Variants in DGKA observed in about 807,000 individuals in gnomAD.
DGKA encodes diacylglycerol kinase alpha, also known as 80 kDa diacylglycerol kinase.
In DGKA, 35 loss-of-function variants were observed where a neutral mutation model predicts 105.0. That is an observed-to-expected ratio of 0.33 (90% CI 0.25 to 0.44). The LOEUF is 0.44. Ranked by LOEUF, DGKA falls within the 20% of genes least tolerant of loss-of-function variation. The probability of loss-of-function intolerance (pLI) is 1.00; values close to 1 mark genes in which losing one functional copy is unlikely to be tolerated. For synonymous variants in DGKA, 296 were observed against 332.0 expected (o/e 0.89, Z 1.18); for missense variants, 665 against 915.0 (o/e 0.73, Z 3.53).
intron 3 of DGKA, 130 bp downstream of exon 3, chr12:55,937,220 C>A: frequency 8.1e-7 from 1 of 1,230,028 alleles, no homozygotes; most frequent in South Asian, 1.3e-5. Flanking sequence ...TGTCCATTGT[C>A]ACTCTGACTA....
At position 55,942,110 on chromosome 12, in the gene DGKA, G is replaced by C. The variant is rs200176036; in HGVS notation, c.1336+27G>C. Reference sequence around the variant, plus strand: ...TCAGTGCAGGGAGGGGCGTGGGGAAGGTATTGGGGTCGTAGTCTTGCAGAG... The same window carrying C: ...TCAGTGCAGGGAGGGGCGTGGGGAACGTATTGGGGTCGTAGTCTTGCAGAG... On this transcript the variant is annotated intron_variant, in intron 16 of 23. Transcript: ENST00000331886. 7 of 1,613,932 alleles carry C rather than the reference G, an allele frequency of 4.3e-6. No individual in the cohort carries two copies. The Admixed American group carries it at 1.0e-4, about 23-fold the overall frequency.
chr12:55,941,653 T>G lies in DGKA; in HGVS notation c.1250+69T>G. 2.0e-6 allele frequency: 3 copies of G among 1,503,912 alleles called. No individual in the cohort carries two copies. In the South Asian group the frequency reaches 3.4e-5, roughly 17 times the overall value. 93.2% of individuals were successfully genotyped at this position (1,503,912 alleles called of 1,614,324 possible). A position where few individuals can be genotyped will look rare whatever the true frequency, so the allele number is the denominator to read the frequency against. ...TGTGTATCTGTATATGTTAGGAGAG[T>G]GCAGGAAAGAGTGCAGATTGGGAGA... On this transcript the variant is annotated intron_variant, in intron 15 of 23. Coordinates refer to ENST00000331886, the MANE Select transcript of DGKA (RefSeq NM_001345.5).
At chr12:55,927,435 G>C (rs1031491839), upstream of DGKA, 1 of 706,952 alleles carries the variant, frequency 1.4e-6, no homozygotes, top group Admixed American at 2.1e-5. Flanking sequence ...GAGGGAAAAG[G>C]GCGCAAGGCC....
At chr12:55,933,796 T>G (rs1565728957) in intron 1 of DGKA, among the ~76,000 whole-genome samples, 1 of 152,176 alleles carries the variant, frequency 6.6e-6, no homozygotes, top group Admixed American at 6.5e-5. Flanking sequence ...TCCCTGAAAT[T>G]TATGCCTTCC....
At chr12:55,951,179 T>G (rs1016684804) in intron 17 of DGKA, among the ~76,000 whole-genome samples, 1 of 152,116 alleles carries the variant, frequency 6.6e-6, no homozygotes, top group Admixed American at 6.6e-5. Context: ...TATACTTGAG[T>G]CTATTTGGGG....
chr12:55,944,198 G>A (rs963889436), intron 17 of DGKA, among the ~76,000 whole-genome samples: 1 of 152,234 alleles, frequency 6.6e-6, no homozygotes, highest in African/African-American at 2.4e-5. Flanking sequence ...AACTCAGGAG[G>A]TGGAGGCTGG....
Position 55,932,713 on chromosome 12 carries a change from AC to A in DGKA, c.-82+1370del. ...CCTCTACACACACACACACACGCACACACACACACACACACACACACACACA... is the reference window on the plus strand; with the variant it reads ...CCTCTACACACACACACACACGCACAACACACACACACACACACACACACA... On this transcript the variant is annotated intron_variant, in intron 1 of 23. Coordinates refer to ENST00000331886, the MANE Select transcript of DGKA (RefSeq NM_001345.5). The surrounding 1 kb of genome is among the most constrained non-coding windows in gnomAD (Gnocchi z 4.3). 1.5e-5 allele frequency: 3 copies of A among 195,982 alleles called. No homozygotes were observed. The South Asian group carries it at 2.2e-4, about 14-fold the overall frequency. The allele number at this position is 195,982 out of a possible 1,614,324, so 12.1% of individuals were successfully genotyped here. A position where few individuals can be genotyped will look rare whatever the true frequency, so the allele number is the denominator to read the frequency against.
intron 17 of DGKA, among the ~76,000 whole-genome samples, chr12:55,948,814 G>A (rs972876998): frequency 6.6e-6 from 1 of 152,100 alleles, no homozygotes; most frequent in Non-Finnish European, 1.5e-5. Flanking sequence ...ACGAGGTCAG[G>A]AGATCGAGAC....
upstream of DGKA, chr12:55,928,019 C>T: frequency 1.9e-6 from 1 of 534,140 alleles, no homozygotes; most frequent in Admixed American, 3.4e-5. Flanking sequence ...GCCAATAATC[C>T]GGTCCCGTAG....
Position 55,942,235 on chromosome 12 carries a change from T to A in DGKA, c.1398T>A (p.Asp466Glu). The A allele has an allele frequency of 1.2e-6, 2 of 1,614,196 alleles. No homozygotes were observed. Among genetic ancestry groups the A allele is most frequent in the Non-Finnish European group, 1.7e-6 (2 of 1,180,042 alleles). ...TGTTGCCCCTGGGTACTGGAAATGA[T>A]CTGGCTCGATGCCTAAGATGGGGAG... ...VAVLPLGTGN[D>E]LARCLRWGGG... is the part of the protein sequence containing the mutation. The change falls in exon 17 of 24, where the codon GAT (aspartate) becomes GAA (glutamate). Residue 466 changes from aspartate (D) to glutamate (E), a missense_variant. By Grantham distance (45) the Asp-to-Glu change is conservative. This residue lies in a region of DGKA where 504 missense variants were observed against 681.2 expected (regional missense o/e 0.74). Coordinates refer to ENST00000331886, the MANE Select transcript of DGKA (RefSeq NM_001345.5).
chr12:55,928,706 A>AAAAAC (rs1883247974), upstream of DGKA, among the ~76,000 whole-genome samples: 1 of 126,442 alleles, frequency 7.9e-6, no homozygotes, highest in East Asian at 2.4e-4. Context: ...AAAAAAAAAA[A>AAAAAC]CTAAAAAACT....
intron 17 of DGKA, 30 bp downstream of exon 17, chr12:55,942,293 G>C: frequency 1.2e-6 from 2 of 1,606,068 alleles, no homozygotes; most frequent in Non-Finnish European, 1.7e-6. Context: ...TTTGCTGTAG[G>C]CTGAGAGGAG....
In DGKA at chr12:55,936,805, C is replaced by T. The variant is rs943219084; in HGVS notation, c.65-212C>T. On this transcript the variant is annotated intron_variant, in intron 2 of 23. Coordinates refer to ENST00000331886, the MANE Select transcript of DGKA (RefSeq NM_001345.5). ...AAGGTCTCGGCTCTCTACCCACCTT[C>T]GCTATACCTGGACTGCTTGCTCCAG... 7.5e-6 allele frequency: 6 copies of T among 801,860 alleles called. No individual in the cohort carries two copies. The East Asian group carries it at 1.0e-4, about 13-fold the overall frequency. The allele number at this position is 801,860 out of a possible 1,614,324, so 49.7% of individuals were successfully genotyped here. A position where few individuals can be genotyped will look rare whatever the true frequency, so the allele number is the denominator to read the frequency against.
At position 55,952,406 on chromosome 12, in the gene DGKA, A is replaced by T. The variant is rs1555191074; in HGVS notation, c.1718A>T (p.Lys573Met). ...GAATCCATCTTCTCAACATGCAAAA[A>T]GCTGGAGGAGTCTTTGACAGTTGAG... ...TSESIFSTCK[K>M]LEESLTVEIC... The change falls in exon 20 of 24, where the codon AAG (lysine) becomes ATG (methionine). Residue 573 changes from lysine to methionine, a missense_variant. Coordinates refer to ENST00000331886, the MANE Select transcript of DGKA (RefSeq NM_001345.5). The surrounding 1 kb of genome is among the most constrained non-coding windows in gnomAD (Gnocchi z 5.1). 2.5e-6 allele frequency: 4 copies of T among 1,614,198 alleles called. No individual in the cohort carries two copies. Among genetic ancestry groups the T allele is most frequent in the Non-Finnish European group, 3.4e-6 (4 of 1,180,032 alleles).
chr12:55,947,999 C>T (rs1015447296), intron 17 of DGKA, among the ~76,000 whole-genome samples: 2 of 152,100 alleles, frequency 1.3e-5, no homozygotes, highest in African/African-American at 4.8e-5. Context: ...CCATGTTGGC[C>T]AGGCTGATCT....
intron 1 of DGKA, among the ~76,000 whole-genome samples, chr12:55,934,046 A>C (rs1195862994): frequency 6.6e-6 from 1 of 152,204 alleles, no homozygotes; most frequent in East Asian, 1.9e-4. Flanking sequence ...AAGAGCTAGG[A>C]TTCTGATCCT....
rs534770807 is a variant in DGKA, at chr12:55,937,343, C to T, written c.139-65C>T. Reference sequence around the variant, plus strand: ...ATTTATTATCCCTGTCCCCGCTACTCCCAATTCTTCAGCCCCAGCTCTGAC... The same window carrying T: ...ATTTATTATCCCTGTCCCCGCTACTTCCAATTCTTCAGCCCCAGCTCTGAC... On this transcript the variant is annotated intron_variant, in intron 3 of 23. Coordinates refer to ENST00000331886, the MANE Select transcript of DGKA (RefSeq NM_001345.5). The T allele has an allele frequency of 1.4e-5, 22 of 1,573,970 alleles. No individual in the cohort carries two copies. The South Asian group carries it at 2.2e-4, about 16-fold the overall frequency.
At chr12:55,942,502 T>G in intron 17 of DGKA, 1 of 473,772 alleles carries the variant, frequency 2.1e-6, no homozygotes, top group Non-Finnish European at 3.9e-6. Context: ...TATTTTTATG[T>G]TTCTCCCAAC....
chr12:55,943,209 G>A (rs1886365282), intron 17 of DGKA: 2 of 151,930 alleles, frequency 1.3e-5, no homozygotes, highest in African/African-American at 4.8e-5. Context: ...ATTTCTAAGT[G>A]GGACATGTAT....
Sources: gnomAD v4.1 joint callset for allele counts (sites outside exome capture counted in the v4.1 genomes callset) on GRCh38, gnomAD v4.1.1 for gene constraint, gnomAD v4.1.1 regional missense constraint, Gnocchi (gnomAD v3.1) non-coding constraint, MANE v1.5 for transcripts, NCBI Gene and HGNC (gene_info 2026-07-23, HGNC 2026-07-21) for gene names.